The following SPON1 variants were observed in gnomAD, a reference collection of about 807,000 sequenced individuals.
SPON1 encodes the protein spondin-1.
In SPON1, 52 loss-of-function variants were observed where a neutral mutation model predicts 111.7. The ratio of observed to expected loss-of-function variants is 0.47; its 90% CI spans 0.37 to 0.59. The LOEUF (loss-of-function observed/expected upper bound fraction) is 0.59. Ranked by LOEUF, SPON1 falls within the 20% of genes least tolerant of loss-of-function variation. The pLI, the probability that SPON1 is intolerant of heterozygous loss-of-function variation, is 0.00. For synonymous variants in SPON1, 410 were observed against 395.8 expected, an observed-to-expected ratio of 1.04 and a Z score of -0.43; for missense variants, 957 against 1,068.5, an observed-to-expected ratio of 0.90 and a Z score of 1.46.
Position 14,134,327 on chromosome 11 carries a change from C to CAAATCCAGT in SPON1, c.677-1090_677-1082dup, listed in dbSNP as rs566939013. Among the ~76,000 whole-genome samples the CAAATCCAGT allele has an allele frequency of 2.8e-3, 434 of 152,288 alleles. 1 individual carries two copies. Among genetic ancestry groups the CAAATCCAGT allele is most frequent in the African/African-American group, 9.6e-3 (397 of 41,556 alleles). On this transcript the variant is annotated intron_variant, in intron 5 of 15. Transcript: ENST00000576479. The stretch of plus-strand genomic sequence containing the variant: ...ATCTGTATTCATCACATGTAAAAAA[C>CAAATCCAGT]AAATCCAGTAAGGTGCTGATACTAT...
intron 3 of SPON1, among the ~76,000 whole-genome samples, chr11:14,047,080 T>C (rs1479470923): frequency 6.6e-6 from 1 of 152,194 alleles, no homozygotes; most frequent in South Asian, 2.1e-4. Flanking sequence ...TTGGTAGTTC[T>C]ACTGGCTTAT....
At chr11:13,989,461 GTCTA>G (rs1317412062) in intron 2 of SPON1, among the ~76,000 whole-genome samples, 10 of 152,084 alleles carry the variant, frequency 6.6e-5, no homozygotes, top group Non-Finnish European at 1.5e-4. Flanking sequence ...CTGGCTAGCA[GTCTA>G]TCTATTTTGT....
intron 6 of SPON1, among the ~76,000 whole-genome samples, chr11:14,146,465 A>G (rs1554929353): frequency 6.6e-6 from 1 of 152,106 alleles, no homozygotes; most frequent in South Asian, 2.1e-4. Flanking sequence ...TACCTTTTTA[A>G]AAGAATAATA....
intron 5 of SPON1, among the ~76,000 whole-genome samples, chr11:14,090,894 G>T (rs962919139): frequency 7.2e-6 from 1 of 138,306 alleles, no homozygotes; most frequent in East Asian, 2.2e-4. Flanking sequence ...TTGTCAGGGC[G>T]CTGATTGGTG....
intron 4 of SPON1, 136 bp downstream of exon 4, chr11:14,075,554 G>T (rs566250747): frequency 1.6e-6 from 1 of 643,440 alleles, no homozygotes; most frequent in Non-Finnish European, 2.7e-6. Context: ...ACGTAGCTCC[G>T]ATTTTTAATC....
intron 6 of SPON1, among the ~76,000 whole-genome samples, chr11:14,240,828 C>T (rs1333552076): frequency 3.3e-5 from 5 of 152,024 alleles, no homozygotes; most frequent in African/African-American, 1.2e-4. Flanking sequence ...ATCTCATTAC[C>T]AGGATCTGAT....
chr11:14,184,824 C>A lies in SPON1; in HGVS notation c.825+49256C>A, dbSNP rs570154945. 2.6e-5 allele frequency among the ~76,000 whole-genome samples: 4 copies of A among 152,316 alleles called. No individual in the cohort carries two copies. In the East Asian group the frequency reaches 7.7e-4, roughly 29 times the overall value. On this transcript the variant is annotated intron_variant, in intron 6 of 15. Transcript: ENST00000576479. Reference sequence around the variant, plus strand: ...ACAACAGGCCTATTTGCCCCTCCAGCCTTTGGGATCCCTGAAAGCTCTGGT... The same window carrying A: ...ACAACAGGCCTATTTGCCCCTCCAGACTTTGGGATCCCTGAAAGCTCTGGT...
chr11:14,254,786 T>C lies in SPON1; in HGVS notation c.1092+57T>C, dbSNP rs1849089014. ...TCCTTGCCTACCCGCTTCCTGAGTG[T>C]CCTGGACACAGAGGGGATCTGTCCC... is the stretch of plus-strand genomic sequence containing the variant. On this transcript the variant is annotated intron_variant, in intron 8 of 15. Coordinates refer to ENST00000576479, the MANE Select transcript of SPON1 (RefSeq NM_006108.4). The C allele has an allele frequency of 3.2e-6, 5 of 1,542,942 alleles. No homozygotes were observed. The Admixed American group carries it at 5.1e-5, about 16-fold the overall frequency.
At chr11:14,160,933 T>G (rs868943959) in intron 6 of SPON1, among the ~76,000 whole-genome samples, 9 of 21,398 alleles carry the variant, frequency 4.2e-4, no homozygotes, top group Admixed American at 2.1e-3. Context: ...ATTTATATAT[T>G]TATATATATA....
chr11:14,238,968 G>T (rs1339139077), intron 6 of SPON1, among the ~76,000 whole-genome samples: 3 of 152,216 alleles, frequency 2.0e-5, no homozygotes, highest in Admixed American at 1.3e-4. Context: ...GAAAGTTCCT[G>T]TCTGTGCCTT....
chr11:13,996,711 G>GTGTATATATATATATATATATATATA (rs535844829), intron 2 of SPON1, among the ~76,000 whole-genome samples: 1 of 145,142 alleles, frequency 6.9e-6, no homozygotes, highest in African/African-American at 2.8e-5. Flanking sequence ...ACCTATGTGT[G>GTGTATATATATATATATATATATATA]TATATATATA....
At chr11:14,010,736 T>C (rs1340743460) in intron 2 of SPON1, among the ~76,000 whole-genome samples, 1 of 152,218 alleles carries the variant, frequency 6.6e-6, no homozygotes, top group Non-Finnish European at 1.5e-5. Flanking sequence ...GCAGGTGTAA[T>C]GATCTTTCTT....
At chr11:14,103,599 TCTC>T (rs1202126082) in intron 5 of SPON1, among the ~76,000 whole-genome samples, 2 of 152,194 alleles carry the variant, frequency 1.3e-5, no homozygotes, top group Admixed American at 6.5e-5. Flanking sequence ...TAGCCTTTGA[TCTC>T]CTCTTTATTT....
At chr11:14,123,188 C>G (rs917338009) in intron 5 of SPON1, among the ~76,000 whole-genome samples, 3 of 152,020 alleles carry the variant, frequency 2.0e-5, no homozygotes, top group African/African-American at 7.2e-5. Context: ...TCACCTAGGC[C>G]TCCCAAAGTG....
At chr11:14,000,677 C>A (rs1404210616) in intron 2 of SPON1, among the ~76,000 whole-genome samples, 1 of 151,868 alleles carries the variant, frequency 6.6e-6, no homozygotes, top group Admixed American at 6.6e-5. Context: ...AGTCAGCTGA[C>A]ACCCTCAGGA....
At chr11:14,043,098 G>C (rs369651436) in intron 3 of SPON1, among the ~76,000 whole-genome samples, 9 of 152,302 alleles carry the variant, frequency 5.9e-5, no homozygotes, top group African/African-American at 2.2e-4. Context: ...GTTAAAATGT[G>C]GGAGATGGCC....
At position 13,993,336 on chromosome 11, in the gene SPON1, G is replaced by A. The variant is rs138031039; in HGVS notation, c.345+10383G>A. ...AGCACAACAGCATTGGCACACACTA[G>A]ATGTCAGAAAACACAGAGCCTCTCT... On this transcript the variant is annotated intron_variant, in intron 2 of 15. Transcript: ENST00000576479. 8.7e-3 allele frequency among the ~76,000 whole-genome samples: 1,316 copies of A among 151,972 alleles called. 5 individuals are homozygous for A. Among genetic ancestry groups the A allele is most frequent in the Non-Finnish European group, 0.015 (1,033 of 67,986 alleles).
chr11:14,091,259 A>C (rs554703433), intron 5 of SPON1, among the ~76,000 whole-genome samples: 1 of 152,182 alleles, frequency 6.6e-6, no homozygotes, highest in Non-Finnish European at 1.5e-5. Context: ...AGCCCAGCTG[A>C]CTTCACCTAG....
intron 6 of SPON1, among the ~76,000 whole-genome samples, chr11:14,190,762 C>T (rs558605284): frequency 3.4e-4 from 52 of 151,390 alleles, no homozygotes; most frequent in Middle Eastern, 3.4e-3. Context: ...TGCCTCAGTG[C>T]CCCGAGTAGC....
Sources: allele counts gnomAD v4.1 joint callset (sites outside exome capture counted in the v4.1 genomes callset), GRCh38; gene constraint gnomAD v4.1.1; transcripts MANE v1.5; gene names NCBI Gene and HGNC (gene_info 2026-07-23, HGNC 2026-07-21).